PKIB: variants seen among roughly 807,000 people sequenced by gnomAD.
PKIB encodes the protein cAMP-dependent protein kinase inhibitor beta, also known as PKI-beta.
In PKIB, 2 loss-of-function variants were observed where a neutral mutation model predicts 4.5. The observed-to-expected ratio is 0.44, with a 90% CI of 0.18 to 1.39. The LOEUF is 1.39. PKIB is among the 40% of genes most tolerant of loss of function. The probability of loss-of-function intolerance (pLI) is 0.27; values close to 1 mark genes in which losing one functional copy is unlikely to be tolerated. For synonymous variants in PKIB, 38 were observed against 36.0 expected (o/e 1.06, Z -0.20); for missense variants, 94 against 92.6 (o/e 1.02, Z -0.06).
intron 2 of PKIB, among the ~76,000 whole-genome samples, chr6:122,535,920 A>G (rs1376962692): frequency 6.6e-6 from 1 of 152,098 alleles, no homozygotes; most frequent in Non-Finnish European, 1.5e-5. Flanking sequence ...TGACACTCTA[A>G]TGTTTTCAGT....
intron 2 of PKIB, among the ~76,000 whole-genome samples, chr6:122,648,734 A>G (rs1444030141): frequency 6.6e-6 from 1 of 152,224 alleles, no homozygotes; most frequent in Non-Finnish European, 1.5e-5. Context: ...ATAACAAAGC[A>G]GCACTTTTTC....
chr6:122,543,394 C>G (rs547950249), intron 2 of PKIB, among the ~76,000 whole-genome samples: 30 of 129,182 alleles, frequency 2.3e-4, no homozygotes, highest in Non-Finnish European at 3.3e-4. Context: ...GACAGAGTTT[C>G]ACTCTTGTTG....
chr6:122,721,640 G>A (rs1779748084), intron 4 of PKIB, among the ~76,000 whole-genome samples: 1 of 152,046 alleles, frequency 6.6e-6, no homozygotes, highest in Admixed American at 6.6e-5. Context: ...AGAACACAAG[G>A]ATGGAAATAG....
intron 2 of PKIB, among the ~76,000 whole-genome samples, chr6:122,583,264 T>C (rs1773756211): frequency 1.3e-5 from 2 of 152,062 alleles, no homozygotes; most frequent in Non-Finnish European, 2.9e-5. Context: ...AACAGAAATC[T>C]TAATAATATC....
At chr6:122,667,310 G>A (rs1050930353) in intron 2 of PKIB, among the ~76,000 whole-genome samples, 1 of 152,142 alleles carries the variant, frequency 6.6e-6, no homozygotes, top group Non-Finnish European at 1.5e-5. Flanking sequence ...TGTAATCCCA[G>A]CACTTTGGGA....
chr6:122,563,244 A>G (rs1008880810), intron 2 of PKIB, among the ~76,000 whole-genome samples: 2 of 152,012 alleles, frequency 1.3e-5, no homozygotes, highest in Admixed American at 1.3e-4. Flanking sequence ...TTCTGGGTCT[A>G]GCCACCCAGT....
chr6:122,724,999 A>G (rs1200292551), intron 4 of PKIB, 129 bp from the exon 5 acceptor site: 6 of 669,704 alleles, frequency 9.0e-6, no homozygotes, highest in Middle Eastern at 4.2e-4. Flanking sequence ...TCTTCTTTGT[A>G]TAGTTTCCAT....
intron 2 of PKIB, among the ~76,000 whole-genome samples, chr6:122,527,158 A>T (rs1777114934): frequency 6.6e-6 from 1 of 152,078 alleles, no homozygotes; most frequent in African/African-American, 2.4e-5. Flanking sequence ...GAGAGTGAGG[A>T]TCTTGCTCTT....
intron 2 of PKIB, among the ~76,000 whole-genome samples, chr6:122,656,655 A>G (rs1437223843): frequency 6.6e-6 from 1 of 152,198 alleles, no homozygotes; most frequent in Non-Finnish European, 1.5e-5. Flanking sequence ...GTGAGGGGGC[A>G]AGAAAGTTGA....
chr6:122,522,463 C>T (rs975963533), intron 2 of PKIB, among the ~76,000 whole-genome samples: 1 of 152,096 alleles, frequency 6.6e-6, no homozygotes, highest in South Asian at 2.1e-4. Flanking sequence ...CAACAAAAAA[C>T]AACAAAAAAA....
At chr6:122,633,955 T>C (rs1355274050) in intron 2 of PKIB, among the ~76,000 whole-genome samples, 1 of 152,030 alleles carries the variant, frequency 6.6e-6, no homozygotes, top group African/African-American at 2.4e-5. Flanking sequence ...TCTATCTATC[T>C]ATCTATCTAT....
intron 2 of PKIB, among the ~76,000 whole-genome samples, chr6:122,572,040 G>A (rs1422828469): frequency 6.6e-6 from 1 of 152,086 alleles, no homozygotes; most frequent in Admixed American, 6.5e-5. Flanking sequence ...TTAAGGGGTG[G>A]AAGAAGGTAT....
chr6:122,675,409 T>C (rs1394187934), intron 3 of PKIB, among the ~76,000 whole-genome samples: 2 of 152,228 alleles, frequency 1.3e-5, no homozygotes, highest in African/African-American at 4.8e-5. Context: ...TCTTTGATGA[T>C]GTCTTTTTCA....
intron 2 of PKIB, among the ~76,000 whole-genome samples, chr6:122,526,970 T>C (rs1317205891): frequency 6.6e-6 from 1 of 152,188 alleles, no homozygotes; most frequent in African/African-American, 2.4e-5. Flanking sequence ...GAATTAATGA[T>C]CTTGGCTACG....
chr6:122,649,128 T>C (rs1776443916), intron 2 of PKIB, among the ~76,000 whole-genome samples: 1 of 152,244 alleles, frequency 6.6e-6, no homozygotes, highest in Admixed American at 6.5e-5. Context: ...TATGTCCATT[T>C]AGAGAGGTCT....
At chr6:122,558,223 T>G (rs1772906400) in intron 2 of PKIB, among the ~76,000 whole-genome samples, 1 of 152,222 alleles carries the variant, frequency 6.6e-6, no homozygotes, top group African/African-American at 2.4e-5. Flanking sequence ...TTCTCAGCTC[T>G]GATTTCTTGG....
intron 2 of PKIB, among the ~76,000 whole-genome samples, chr6:122,552,944 T>C (rs536222635): frequency 6.6e-6 from 1 of 152,312 alleles, no homozygotes; most frequent in East Asian, 1.9e-4. Context: ...TAGTGGCTAC[T>C]CCTTATATCT....
intron 2 of PKIB, among the ~76,000 whole-genome samples, chr6:122,558,382 T>A (rs534033456): frequency 1.3e-5 from 2 of 152,240 alleles, no homozygotes; most frequent in Non-Finnish European, 2.9e-5. Flanking sequence ...ATTTGGTTCA[T>A]GTACCTTGAG....
chr6:122,595,026 C>G (rs1414967457), intron 3 of PKIB, among the ~76,000 whole-genome samples: 1 of 152,166 alleles, frequency 6.6e-6, no homozygotes, highest in African/African-American at 2.4e-5. Context: ...GTTGCAACTC[C>G]TGGTGGCAGC....
Sources: gnomAD v4.1 joint callset for allele counts (sites outside exome capture counted in the v4.1 genomes callset) on GRCh38, gnomAD v4.1.1 for gene constraint, MANE v1.5 for transcripts, NCBI Gene and HGNC (gene_info 2026-07-23, HGNC 2026-07-21) for gene names.